PPIL6: variants seen among roughly 807,000 people sequenced by gnomAD.
The protein encoded by PPIL6 is peptidylprolyl isomerase like 6, also known as probable inactive peptidyl-prolyl cis-trans isomerase-like 6.
PPIL6 carries 39 observed loss-of-function variants against 36.8 expected under a neutral mutation model. The ratio of observed to expected loss-of-function variants is 1.06; its 90% confidence interval spans 0.82 to 1.38. The LOEUF is 1.38. PPIL6 is among the 40% of genes most tolerant of loss of function. The pLI is 0.00. For synonymous variants in PPIL6, 123 were observed against 134.1 expected, an observed-to-expected ratio of 0.92 and a Z score of 0.57; for missense variants, 368 against 379.1, an observed-to-expected ratio of 0.97 and a Z score of 0.24.
Position 109,436,296 on chromosome 6 carries a change from C to T in PPIL6, c.136-97G>A, listed in dbSNP as rs9487108. On this transcript the variant is annotated intron_variant, in intron 1 of 7. Transcript: ENST00000521072. Reference sequence around the variant, plus strand: ...TTACGGGGTTTCCAGAAGTTTTATACAACACAAGCCCAGGCCATGCAGTCC... The same window carrying T: ...TTACGGGGTTTCCAGAAGTTTTATATAACACAAGCCCAGGCCATGCAGTCC... 2.1e-5 allele frequency: 15 copies of T among 714,096 alleles called. No individual in the cohort carries two copies. The East Asian group carries it at 4.0e-4, about 19-fold the overall frequency. The allele number at this position is 714,096 out of a possible 1,614,324, so 44.2% of individuals were successfully genotyped here.
At chr6:109,417,648 G>C (rs1376568759) in intron 6 of PPIL6, among the ~76,000 whole-genome samples, 1 of 152,114 alleles carries the variant, frequency 6.6e-6, no homozygotes, top group Non-Finnish European at 1.5e-5. Context: ...CTGACAAATA[G>C]AGCCAAGGAA....
intron 6 of PPIL6, among the ~76,000 whole-genome samples, chr6:109,416,399 C>T (rs534911348): frequency 6.6e-6 from 1 of 151,934 alleles, no homozygotes; most frequent in South Asian, 2.1e-4. Flanking sequence ...GACAGGGTTT[C>T]ACCATGTTGG....
intron 1 of PPIL6, 53 bp downstream of exon 1, chr6:109,440,403 C>G (rs781120219): frequency 3.3e-6 from 5 of 1,523,932 alleles, no homozygotes; most frequent in Non-Finnish European, 4.4e-6. Context: ...TCCACGCGGC[C>G]GAGAGCGGGT....
chr6:109,438,163 A>G (rs1046263883), intron 1 of PPIL6, among the ~76,000 whole-genome samples: 2 of 152,094 alleles, frequency 1.3e-5, no homozygotes, highest in African/African-American at 4.8e-5. Flanking sequence ...CATCTCAAAC[A>G]TTTATTATTT....
intron 6 of PPIL6, among the ~76,000 whole-genome samples, chr6:109,402,293 T>C (rs1041327710): frequency 6.6e-6 from 1 of 151,726 alleles, no homozygotes; most frequent in African/African-American, 2.4e-5. Context: ...CCCAGCACTT[T>C]GGGAGGCCAA....
At chr6:109,415,216 C>A (rs1441914085) in intron 6 of PPIL6, among the ~76,000 whole-genome samples, 1 of 152,188 alleles carries the variant, frequency 6.6e-6, no homozygotes, top group Admixed American at 6.5e-5. Context: ...TTTTTCATTT[C>A]TCTAGCAATG....
At position 109,400,086 on chromosome 6, in the gene PPIL6, T is replaced by C. The variant is rs1252551517; in HGVS notation, c.773A>G (p.Tyr258Cys). ...ATAAGGAGTTGCTTGCAGTGTGATATAGAATTGTGACCCGTTGCTGTGACG... is the reference window on the plus strand; with the variant it reads ...ATAAGGAGTTGCTTGCAGTGTGATACAGAATTGTGACCCGTTGCTGTGACG... ...KGRHSNGSQF[Y>C]ITLQATPYLD... is the part of the protein sequence containing the mutation. The change falls in exon 7 of 8, where the codon TAT becomes TGT. Residue 258 changes from tyrosine to cysteine, a missense_variant. By Grantham distance (194) the Tyr-to-Cys change is radical. Coordinates refer to ENST00000521072, the MANE Select transcript of PPIL6 (RefSeq NM_173672.5). 4 of 1,613,860 alleles carry C rather than the reference T, an allele frequency of 2.5e-6. No individual in the cohort carries two copies. Among genetic ancestry groups the C allele is most frequent in the African/African-American group, 1.3e-5 (1 of 74,940 alleles).
intron 3 of PPIL6, among the ~76,000 whole-genome samples, chr6:109,428,265 C>T (rs1036707547): frequency 6.6e-5 from 10 of 152,128 alleles, no homozygotes; most frequent in Non-Finnish European, 1.2e-4. Flanking sequence ...CATTCTCCTA[C>T]ATTAAAATGC....
At chr6:109,407,877 T>G (rs1183840157) in intron 6 of PPIL6, among the ~76,000 whole-genome samples, 3 of 152,182 alleles carry the variant, frequency 2.0e-5, no homozygotes, top group African/African-American at 7.2e-5. Context: ...CAGGCTGGTC[T>G]CAAGCTTCTG....
upstream of PPIL6, chr6:109,440,716 G>A (rs889923391): frequency 7.3e-6 from 5 of 681,960 alleles, no homozygotes; most frequent in East Asian, 2.8e-4. Flanking sequence ...CGTGGCGGCT[G>A]GGCCTTTCCT....
At chr6:109,433,946 C>T (rs1434689546) in intron 2 of PPIL6, among the ~76,000 whole-genome samples, 1 of 151,950 alleles carries the variant, frequency 6.6e-6, no homozygotes, top group Non-Finnish European at 1.5e-5. Flanking sequence ...GTAACCTAGG[C>T]TGAAAGGGGA....
intron 3 of PPIL6, among the ~76,000 whole-genome samples, chr6:109,430,262 CAAG>C (rs762585286): frequency 1.3e-5 from 2 of 152,232 alleles, no homozygotes; most frequent in African/African-American, 2.4e-5. Flanking sequence ...GTTGTTGCTA[CAAG>C]AAGGTTTCTG....
chr6:109,394,359 G>A (rs1223912230), intron 7 of PPIL6, among the ~76,000 whole-genome samples: 1 of 130,146 alleles, frequency 7.7e-6, no homozygotes, highest in Non-Finnish European at 1.5e-5. Context: ...GCCATAGAGC[G>A]AGACTTATCT....
intron 5 of PPIL6, among the ~76,000 whole-genome samples, chr6:109,426,603 C>G (rs1773825442): frequency 6.6e-6 from 1 of 152,050 alleles, no homozygotes; most frequent in South Asian, 2.1e-4. Context: ...ACCCTACTCT[C>G]CTATGTCATT....
At chr6:109,402,784 C>T (rs1406381407) in intron 6 of PPIL6, among the ~76,000 whole-genome samples, 2 of 151,824 alleles carry the variant, frequency 1.3e-5, no homozygotes, top group African/African-American at 2.4e-5. Context: ...CTTAAGAACC[C>T]GAGGCTATGC....
intron 6 of PPIL6, among the ~76,000 whole-genome samples, chr6:109,401,164 C>T (rs1311539972): frequency 6.6e-6 from 1 of 151,924 alleles, no homozygotes; most frequent in African/African-American, 2.4e-5. Context: ...GCGTAAGCCA[C>T]CGTGCCTGGC....
intron 6 of PPIL6, chr6:109,404,887 A>ACG (rs1772729173): frequency 9.6e-6 from 2 of 207,302 alleles, no homozygotes; most frequent in Non-Finnish European, 2.0e-5. Flanking sequence ...CCCCGTCTCT[A>ACG]CTAAAAATAC....
intron 6 of PPIL6, among the ~76,000 whole-genome samples, chr6:109,416,791 A>C (rs1218461952): frequency 6.6e-6 from 1 of 152,130 alleles, no homozygotes; most frequent in African/African-American, 2.4e-5. Flanking sequence ...TTTTTCTCAA[A>C]TCATATTAGA....
intron 6 of PPIL6, among the ~76,000 whole-genome samples, chr6:109,414,530 G>C (rs1773162284): frequency 1.4e-5 from 2 of 143,332 alleles, no homozygotes; most frequent in African/African-American, 5.3e-5. Flanking sequence ...TGTTGCCCAG[G>C]CTGGAGTGCA....
Sources: gnomAD v4.1 joint callset for allele counts (sites outside exome capture counted in the v4.1 genomes callset) on GRCh38, gnomAD v4.1.1 for gene constraint, MANE v1.5 for transcripts, NCBI Gene and HGNC (gene_info 2026-07-23, HGNC 2026-07-21) for gene names.